Variants in RECK observed in about 807,000 individuals in gnomAD.
RECK encodes the protein reversion-inducing cysteine-rich protein with Kazal motifs.
RECK carries 69 observed loss-of-function variants against 115.1 expected under a neutral mutation model. The observed-to-expected ratio is 0.60, with a 90% confidence interval of 0.49 to 0.73. The LOEUF (loss-of-function observed/expected upper bound fraction) is 0.73, where lower values mean the gene tolerates loss of function less well. Among genes scored for constraint, RECK ranks in the 30% least tolerant of loss-of-function variants. RECK has a pLI of 0.00. For missense variants in RECK, 1,047 were observed against 1,203.7 expected, an observed-to-expected ratio of 0.87 and a Z score of 1.93; for synonymous variants, 414 against 419.7, an observed-to-expected ratio of 0.99 and a Z score of 0.17.
Position 36,094,948 on chromosome 9 carries a change from G to A in RECK, c.1085+3605G>A, listed in dbSNP as rs901380389. Among the ~76,000 whole-genome samples, 10 of 152,280 alleles carry A rather than the reference G, an allele frequency of 6.6e-5. No homozygotes were observed. The highest frequency in any genetic ancestry group is 3.9e-4 in the East Asian group (2 of 5,186). On this transcript the variant is annotated intron_variant, in intron 10 of 20. Coordinates refer to ENST00000377966, the MANE Select transcript of RECK (RefSeq NM_021111.3). The surrounding 1 kb of genome is among the most constrained non-coding windows in gnomAD (Gnocchi z 4.1). ...CTGGGTTAAAAAGCAAGTCTCAACC[G>A]CTGTCAGAAGATGAAAATCATAAAA...
chr9:36,089,001 A>T (rs891275283), intron 9 of RECK, among the ~76,000 whole-genome samples: 1 of 152,226 alleles, frequency 6.6e-6, no homozygotes, highest in Non-Finnish European at 1.5e-5. Flanking sequence ...AGCCTGAGTG[A>T]CACAGTGAAG....
intron 10 of RECK, among the ~76,000 whole-genome samples, chr9:36,098,667 T>A (rs1823453178): frequency 6.6e-6 from 1 of 152,124 alleles, no homozygotes; most frequent in South Asian, 2.1e-4. Context: ...GTACCCTTAT[T>A]CGTAATAGCC....
chr9:36,110,425 T>C (rs920052293), intron 15 of RECK, among the ~76,000 whole-genome samples: 9 of 152,198 alleles, frequency 5.9e-5, no homozygotes, highest in Non-Finnish European at 1.0e-4. Context: ...TCCATGCATG[T>C]TCTCAGTTTG....
intron 6 of RECK, among the ~76,000 whole-genome samples, chr9:36,068,320 G>A (rs1435234226): frequency 2.6e-5 from 4 of 152,146 alleles, no homozygotes; most frequent in Non-Finnish European, 4.4e-5. Context: ...AGCAAGATTC[G>A]TTATGATGGA....
At chr9:36,072,586 G>A (rs1204165940) in intron 6 of RECK, 2 of 152,176 alleles carry the variant, frequency 1.3e-5, no homozygotes, top group Non-Finnish European at 2.9e-5. Flanking sequence ...TTATGCTGAG[G>A]CAACTTCAAG....
intron 18 of RECK, among the ~76,000 whole-genome samples, chr9:36,119,386 G>T (rs934991555): frequency 6.6e-6 from 1 of 152,162 alleles, no homozygotes; most frequent in Non-Finnish European, 1.5e-5. Flanking sequence ...GAAGATAGTT[G>T]TTGTCTTAGA....
intron 12 of RECK, 67 bp downstream of exon 12, chr9:36,102,297 C>T: frequency 1.4e-6 from 2 of 1,390,070 alleles, no homozygotes; most frequent in Middle Eastern, 2.4e-4. Context: ...ATTTGTTTTA[C>T]TATTTGTTTT....
At chr9:36,081,049 G>T (rs1439362883) in intron 7 of RECK, among the ~76,000 whole-genome samples, 1 of 152,154 alleles carries the variant, frequency 6.6e-6, no homozygotes, top group Non-Finnish European at 1.5e-5. Flanking sequence ...AGTGCTCCAG[G>T]AGTTCAGAGA....
intron 1 of RECK, among the ~76,000 whole-genome samples, chr9:36,039,676 A>G (rs911339495): frequency 6.6e-6 from 1 of 152,234 alleles, no homozygotes; most frequent in African/African-American, 2.4e-5. Context: ...ATAGTACAAA[A>G]GAGGGAAGGA....
At chr9:36,118,104 C>T (rs1824330605) in intron 17 of RECK, among the ~76,000 whole-genome samples, 2 of 152,226 alleles carry the variant, frequency 1.3e-5, no homozygotes, top group East Asian at 1.9e-4. Context: ...AACCAGCTAA[C>T]ACTTAAAATG....
chr9:36,117,026 A>G lies in RECK; in HGVS notation c.2102A>G (p.Lys701Arg), dbSNP rs1824294344. ...CAGGTCTGCCTGACGACTTTTGATAAATTTGGATGTAGCCAGTATGAGTGT... is the reference window on the plus strand; with the variant it reads ...CAGGTCTGCCTGACGACTTTTGATAGATTTGGATGTAGCCAGTATGAGTGT... ...KPQVCLTTFD[K>R]FGCSQYECVP... is the part of the protein sequence containing the mutation. Residue 701 changes from lysine (K) to arginine (R), a missense_variant, in exon 17 of 21, where the codon AAA becomes AGA. Coordinates refer to ENST00000377966, the MANE Select transcript of RECK (RefSeq NM_021111.3). 1.2e-6 allele frequency: 2 copies of G among 1,612,856 alleles called. No individual in the cohort carries two copies. The highest frequency in any genetic ancestry group is 1.7e-6 in the Non-Finnish European group (2 of 1,179,306).
Position 36,058,831 on chromosome 9 carries a change from T to C in RECK, c.164T>C (p.Phe55Ser). ...TTTTTTTTTTTTGTCAAATAGATTTTCTCCTCAAAAAGTGAATCCCGACTA... is the reference window on the plus strand; with the variant it reads ...TTTTTTTTTTTTGTCAAATAGATTTCCTCCTCAAAAAGTGAATCCCGACTA... ...QMCRDVCEQI[F>S]SSKSESRLKH... is the part of the protein sequence containing the mutation. The change falls in exon 3 of 21, where the codon TTC becomes TCC. Residue 55 changes from phenylalanine (F) to serine (S), a missense_variant. By Grantham distance (155) the Phe-to-Ser change is radical. Coordinates refer to ENST00000377966, the MANE Select transcript of RECK (RefSeq NM_021111.3). 5 of 1,591,104 alleles carry C rather than the reference T, an allele frequency of 3.1e-6. No homozygotes were observed. The highest frequency in any genetic ancestry group is 3.4e-4 in the Middle Eastern group (2 of 5,868).
chr9:36,115,320 A>T (rs528955032), intron 16 of RECK, among the ~76,000 whole-genome samples: 1 of 148,372 alleles, frequency 6.7e-6, no homozygotes, highest in Admixed American at 6.7e-5. Flanking sequence ...GTCTCAAATA[A>T]TAATAATAAT....
At chr9:36,046,107 A>G (rs1374518228) in intron 1 of RECK, among the ~76,000 whole-genome samples, 5 of 152,154 alleles carry the variant, frequency 3.3e-5, no homozygotes, top group African/African-American at 1.2e-4. Context: ...TTCCATCTTT[A>G]TCTGTTCAAT....
At chr9:36,043,056 C>T (rs1429770901) in intron 1 of RECK, among the ~76,000 whole-genome samples, 3 of 115,760 alleles carry the variant, frequency 2.6e-5, no homozygotes, top group Admixed American at 2.4e-4. Flanking sequence ...GACGGAGTCT[C>T]GCTCTGTTGC....
chr9:36,091,926 AAGAGAG>A (rs1369227093), intron 10 of RECK, among the ~76,000 whole-genome samples: 1 of 152,076 alleles, frequency 6.6e-6, no homozygotes, highest in African/African-American at 2.4e-5. Context: ...ATACAGAAGC[AAGAGAG>A]AGAGAGTTAC....
In RECK at chr9:36,110,002, T is replaced by G. The variant is rs1455696196; in HGVS notation, c.1811T>G (p.Phe604Cys). The G allele has an allele frequency of 6.2e-7, 1 of 1,613,824 alleles. No homozygotes were observed. Among genetic ancestry groups the G allele is most frequent in the East Asian group, 2.2e-5 (1 of 44,882 alleles). The stretch of plus-strand genomic sequence containing the variant: ...ATTGACTGCAATGTCTGTTCTTGTT[T>G]TGCTGGCAATTTGGTGTGCTCTACC... ...FSIDCNVCSC[F>C]AGNLVCSTRL... The change falls in exon 15 of 21, where the codon TTT becomes TGT. Residue 604 changes from phenylalanine to cysteine, a missense_variant. Coordinates refer to ENST00000377966, the MANE Select transcript of RECK (RefSeq NM_021111.3).
At chr9:36,048,396 C>T in intron 1 of RECK, among the ~76,000 whole-genome samples, 1 of 151,918 alleles carries the variant, frequency 6.6e-6, no homozygotes, top group African/African-American at 2.4e-5. Flanking sequence ...TTCCTTTTCT[C>T]TAATTTGACA....
intron 16 of RECK, among the ~76,000 whole-genome samples, chr9:36,114,263 A>C (rs1308077292): frequency 2.6e-5 from 4 of 152,246 alleles, no homozygotes; most frequent in African/African-American, 9.6e-5. Context: ...CCCAGGAAGA[A>C]AGTGAAGTGA....
Sources: gnomAD v4.1 joint callset for allele counts (sites outside exome capture counted in the v4.1 genomes callset) on GRCh38, gnomAD v4.1.1 for gene constraint, Gnocchi (gnomAD v3.1) non-coding constraint, MANE v1.5 for transcripts, NCBI Gene and HGNC (gene_info 2026-07-23, HGNC 2026-07-21) for gene names.